The following UBR3 variants were observed in gnomAD, a reference collection of about 807,000 sequenced individuals.
The protein encoded by UBR3 is E3 ubiquitin-protein ligase UBR3.
Under a neutral mutation model 243.2 loss-of-function variants are expected in UBR3, and 85 were observed. That is an observed-to-expected ratio of 0.35 (90% CI 0.29 to 0.42). UBR3 has a LOEUF of 0.42. Ranked by LOEUF, UBR3 falls within the 10% of genes least tolerant of loss-of-function variation. The probability of loss-of-function intolerance (pLI) is 1.00; values close to 1 mark genes in which losing one functional copy is unlikely to be tolerated. For missense variants in UBR3, 1,686 were observed against 2,300.8 expected (o/e 0.73, Z 5.47); for synonymous variants, 748 against 799.8 (o/e 0.94, Z 1.09).
Position 169,994,361 on chromosome 2 carries a change from T to C in UBR3, c.3823T>C (p.Leu1275=). 6.2e-7 allele frequency: 1 copy of C among 1,614,136 alleles called. No homozygotes were observed. The highest frequency in any genetic ancestry group is 8.5e-7 in the Non-Finnish European group (1 of 1,180,016). The change falls in exon 26 of 39, where the codon TTG becomes CTG. Residue 1275 remains leucine, a synonymous_variant. Transcript: ENST00000272793. ...QCRDNVEPKK[L]PISEEEQIYP... ...CCGTGACAATGTTGAGCCAAAAAAG[T>C]TGCCGATCAGTGAAGAGGAGCAGAT...
At chr2:170,046,615 C>T (rs185213623) in intron 32 of UBR3, among the ~76,000 whole-genome samples, 1 of 152,168 alleles carries the variant, frequency 6.6e-6, no homozygotes, top group African/African-American at 2.4e-5. Context: ...ATATAATTTC[C>T]AGTTGTTCCT....
At chr2:169,876,531 T>TGTATTG (rs548140513) in intron 3 of UBR3, among the ~76,000 whole-genome samples, 1 of 147,222 alleles carries the variant, frequency 6.8e-6, no homozygotes, top group African/African-American at 2.5e-5. Flanking sequence ...CTGCCTCTCT[T>TGTATTG]TATTGTATTG....
At chr2:169,861,280 A>T (rs1405142714) in intron 1 of UBR3, among the ~76,000 whole-genome samples, 1 of 152,168 alleles carries the variant, frequency 6.6e-6, no homozygotes, top group Non-Finnish European at 1.5e-5. Context: ...TTGACCAGTT[A>T]TGAGTTGCAA....
chr2:169,925,039 A>C (rs550089834), intron 13 of UBR3, among the ~76,000 whole-genome samples: 2 of 152,220 alleles, frequency 1.3e-5, no homozygotes, highest in Non-Finnish European at 2.9e-5. Flanking sequence ...TTTCAAAAAA[A>C]ACAAAAAAAA....
intron 35 of UBR3, among the ~76,000 whole-genome samples, chr2:170,063,132 G>C (rs1300366941): frequency 6.6e-6 from 1 of 152,156 alleles, no homozygotes; most frequent in Non-Finnish European, 1.5e-5. Context: ...GACATACTGG[G>C]AATAGAAGAG....
chr2:169,836,063 ATATATTTTTTT>A (rs1416301549), intron 1 of UBR3, among the ~76,000 whole-genome samples: 16 of 26,612 alleles, frequency 6.0e-4, no homozygotes, highest in African/African-American at 1.5e-3. Context: ...ATATATATAT[ATATATTTTTTT>A]TTTTTTTTTT....
chr2:169,961,874 G>GTTT (rs34504571), intron 24 of UBR3, among the ~76,000 whole-genome samples: 20,933 of 136,684 alleles, frequency 0.15, 2,031 homozygotes, highest in East Asian at 0.43. Context: ...TTTTTCCCAT[G>GTTT]TTTTTTTTTT....
intron 24 of UBR3, among the ~76,000 whole-genome samples, chr2:169,979,548 T>C (rs1184112277): frequency 6.6e-6 from 1 of 152,220 alleles, no homozygotes; most frequent in Non-Finnish European, 1.5e-5. Context: ...CACATACGTA[T>C]AATGAAATAC....
intron 19 of UBR3, among the ~76,000 whole-genome samples, chr2:169,935,375 C>T (rs911515248): frequency 2.6e-5 from 4 of 152,094 alleles, no homozygotes; most frequent in Admixed American, 6.5e-5. Context: ...TGCTATATTG[C>T]GCAGGCTGGT....
chr2:169,894,211 T>C (rs1458811540), intron 6 of UBR3, among the ~76,000 whole-genome samples: 1 of 150,604 alleles, frequency 6.6e-6, no homozygotes, highest in Non-Finnish European at 1.5e-5. Context: ...TAGTCCTAGC[T>C]ATTCGGGAGG....
intron 11 of UBR3, among the ~76,000 whole-genome samples, chr2:169,918,380 T>C (rs562068396): frequency 1.3e-5 from 2 of 151,920 alleles, no homozygotes; most frequent in East Asian, 1.9e-4. Flanking sequence ...CCAGTGAGGA[T>C]TGACTAAGAG....
intron 24 of UBR3, among the ~76,000 whole-genome samples, chr2:169,982,327 A>C (rs1279456143): frequency 6.6e-6 from 1 of 152,166 alleles, no homozygotes; most frequent in African/African-American, 2.4e-5. Flanking sequence ...TGAAGCAAGA[A>C]GATTTTTGAT....
intron 11 of UBR3, among the ~76,000 whole-genome samples, chr2:169,915,813 G>T (rs1367368490): frequency 6.6e-6 from 1 of 151,692 alleles, no homozygotes; most frequent in Non-Finnish European, 1.5e-5. Flanking sequence ...ATTTATTTTT[G>T]TCTCTAGAGA....
chr2:170,021,218 G>A (rs2090382326), intron 30 of UBR3, among the ~76,000 whole-genome samples: 1 of 152,028 alleles, frequency 6.6e-6, no homozygotes, highest in African/African-American at 2.4e-5. Context: ...CACTATAATT[G>A]TCAAATTGGG....
intron 31 of UBR3, among the ~76,000 whole-genome samples, chr2:170,033,606 C>G (rs1165095278): frequency 9.3e-6 from 1 of 107,184 alleles, no homozygotes; most frequent in African/African-American, 3.5e-5. Context: ...AATATTTGCT[C>G]TCATTTTTAT....
chr2:169,895,389 A>G, intron 7 of UBR3, 78 bp downstream of exon 7: 1 of 1,420,494 alleles, frequency 7.0e-7, no homozygotes, highest in Non-Finnish European at 9.4e-7. Context: ...TTTTTGATAT[A>G]TTTCTCAGGT....
intron 30 of UBR3, among the ~76,000 whole-genome samples, chr2:170,022,273 A>C (rs1006588326): frequency 6.6e-6 from 1 of 152,180 alleles, no homozygotes; most frequent in African/African-American, 2.4e-5. Context: ...TAACCAGAGA[A>C]TTATGGCATA....
At position 170,020,217 on chromosome 2, in the gene UBR3, A is replaced by AT. The variant is rs201086153; in HGVS notation, c.4453+4859dup. On this transcript the variant is annotated intron_variant, in intron 30 of 38. Transcript: ENST00000272793. ...GCAGATTGAACCACAATTTTGTTCA[A>AT]TTTTTTTTGTTACCATAAAAAAGGA... 5.2e-3 allele frequency among the ~76,000 whole-genome samples: 788 copies of AT among 152,180 alleles called. 7 individuals are homozygous for AT. Among genetic ancestry groups the AT allele is most frequent in the African/African-American group, 0.018 (738 of 41,532 alleles).
chr2:170,037,003 T>A (rs1303579575), intron 31 of UBR3, among the ~76,000 whole-genome samples: 1 of 152,164 alleles, frequency 6.6e-6, no homozygotes, highest in African/African-American at 2.4e-5. Flanking sequence ...ATTTTCACTT[T>A]AGAGTTTTCT....
Sources: gnomAD v4.1 joint callset for allele counts (sites outside exome capture counted in the v4.1 genomes callset) on GRCh38, gnomAD v4.1.1 for gene constraint, MANE v1.5 for transcripts, NCBI Gene and HGNC (gene_info 2026-07-23, HGNC 2026-07-21) for gene names.